PDK3: variants seen among roughly 807,000 people sequenced by gnomAD.
The protein encoded by PDK3 is pyruvate dehydrogenase kinase 3, also known as pyruvate dehydrogenase kinase, isozyme 3.
Under a neutral mutation model 32.0 loss-of-function variants are expected in PDK3, and 12 were observed. The observed-to-expected ratio is 0.37, with a 90% CI of 0.24 to 0.61. PDK3 has a LOEUF of 0.61. Ranked by LOEUF, PDK3 falls within the 20% of genes least tolerant of loss-of-function variation. The pLI is 0.65. For synonymous variants in PDK3, 122 were observed against 116.3 expected, an observed-to-expected ratio of 1.05 and a Z score of -0.31; for missense variants, 188 against 316.9, an observed-to-expected ratio of 0.59 and a Z score of 3.09.
exon 12 of PDK3, among the ~76,000 whole-genome samples, chrX:24,544,415 G>A (rs921965660): frequency 2.7e-5 from 3 of 111,288 alleles, no homozygotes; most frequent in Admixed American, 9.6e-5. Context: ...GCTTCTCGCC[G>A]CTCTTCCTCT....
At chrX:24,511,790 G>T (rs780592684) in intron 5 of PDK3, among the ~76,000 whole-genome samples, 1 of 107,302 alleles carries the variant, frequency 9.3e-6, no homozygotes, top group African/African-American at 3.4e-5. Context: ...GGAGGTTGCA[G>T]TGAGCTGAGA....
chrX:24,468,866 G>T (rs1201224092), intron 1 of PDK3, among the ~76,000 whole-genome samples: 1 of 111,320 alleles, frequency 9.0e-6, no homozygotes, highest in Non-Finnish European at 1.9e-5. Context: ...TTTTCTTTTG[G>T]GCCTAAGATT....
chrX:24,508,751 C>T (rs1053866543), intron 5 of PDK3, among the ~76,000 whole-genome samples: 1 of 111,058 alleles, frequency 9.0e-6, no homozygotes, highest in Non-Finnish European at 1.9e-5. Flanking sequence ...CTCGCTCTGT[C>T]GTCCAGGCTG....
At chrX:24,466,879 T>C (rs981154820) in intron 1 of PDK3, among the ~76,000 whole-genome samples, 4 of 112,137 alleles carry the variant, frequency 3.6e-5, no homozygotes, top group African/African-American at 1.3e-4. Context: ...GCTATAAATA[T>C]AGGCAAGTTT....
downstream of PDK3, among the ~76,000 whole-genome samples, chrX:24,535,956 GAAAGGAAGGAAAAGAAGGAAAGGAAGA>G (rs1199684562): frequency 3.2e-5 from 3 of 93,721 alleles, no homozygotes; most frequent in Non-Finnish European, 6.2e-5. Context: ...AAGAAGGAAG[GAAAGGAAGGAAAAGAAGGAAAGGAAGA>G]AAGGAAGGAA....
chrX:24,467,872 G>A (rs758957031), intron 1 of PDK3, among the ~76,000 whole-genome samples: 17 of 111,941 alleles, frequency 1.5e-4, no homozygotes, highest in African/African-American at 4.9e-4. Context: ...AAGCCAACGA[G>A]TTGAGGACCG....
chrX:24,498,985 A>G (rs1921785533), intron 3 of PDK3, 85 bp downstream of exon 3: 3 of 531,787 alleles, frequency 5.6e-6, no homozygotes, highest in African/African-American at 2.4e-5. Flanking sequence ...TTAAGACTCA[A>G]GGAGTATGAA....
rs374895661 is a variant in PDK3 at position 24,530,907 on chromosome X, G to A, written c.964-750G>A. 7.2e-5 allele frequency among the ~76,000 whole-genome samples: 8 copies of A among 111,551 alleles called. No homozygotes were observed. The South Asian group carries it at 2.6e-3, about 37-fold the overall frequency. On this transcript the variant is annotated intron_variant, in intron 9 of 10. Coordinates refer to ENST00000379162, the MANE Select transcript of PDK3 (RefSeq NM_005391.5). ...AAATTGTTTTCCTTTCCATGTTCTCGTCTTGTTACTGGTAGATTTGTACTC... is the reference window on the plus strand; with the variant it reads ...AAATTGTTTTCCTTTCCATGTTCTCATCTTGTTACTGGTAGATTTGTACTC...
intron 6 of PDK3, among the ~76,000 whole-genome samples, chrX:24,522,080 A>G (rs1922411830): frequency 8.9e-6 from 1 of 112,050 alleles, no homozygotes; most frequent in Non-Finnish European, 1.9e-5. Flanking sequence ...AAAATTCCTT[A>G]TATCTAATGG....
exon 12 of PDK3, among the ~76,000 whole-genome samples, chrX:24,540,901 T>G (rs1922878742): frequency 2.4e-5 from 1 of 42,442 alleles, no homozygotes; most frequent in African/African-American, 6.6e-5. Context: ...TTTTTTTTTT[T>G]TTTTTTTTTT....
In PDK3 at chrX:24,481,320, C is replaced by T. The variant is rs191153793; in HGVS notation, c.107-13422C>T. Among the ~76,000 whole-genome samples, 176 of 112,225 alleles carry T rather than the reference C, an allele frequency of 1.6e-3. 1 individual carries two copies. The highest frequency in any genetic ancestry group is 5.3e-3 in the African/African-American group (163 of 30,946). On this transcript the variant is annotated intron_variant, in intron 1 of 10. Transcript: ENST00000379162. ...TGCTGGGATTACAGGCGTGAGCCAC[C>T]GCGCCTGGCCCCTTTTTCTTGACTT...
downstream of PDK3, among the ~76,000 whole-genome samples, chrX:24,535,709 C>G (rs1417005642): frequency 9.2e-6 from 1 of 108,997 alleles, no homozygotes; most frequent in Non-Finnish European, 1.9e-5. Flanking sequence ...ATTTTACAAC[C>G]TGCTTTTGTT....
At chrX:24,510,515 A>G (rs1431956824) in intron 5 of PDK3, among the ~76,000 whole-genome samples, 8 of 112,561 alleles carry the variant, frequency 7.1e-5, no homozygotes, top group Non-Finnish European at 7.5e-5. Flanking sequence ...GTTGTTTTAT[A>G]CATTTGAACT....
At chrX:24,549,901 T>G (rs777543547) in exon 12 of PDK3, 1 of 112,277 alleles carries the variant, frequency 8.9e-6, no homozygotes, top group South Asian at 3.7e-4. Flanking sequence ...CACTGTGGAA[T>G]AAAATATACC....
chrX:24,517,421 C>G (rs1922282872), intron 5 of PDK3, among the ~76,000 whole-genome samples: 1 of 111,201 alleles, frequency 9.0e-6, no homozygotes, highest in Non-Finnish European at 1.9e-5. Context: ...TGGAGTTTCA[C>G]CATGTTGGCC....
exon 12 of PDK3, chrX:24,547,276 C>A (rs906277774): frequency 8.9e-6 from 1 of 112,306 alleles, no homozygotes; most frequent in African/African-American, 3.2e-5. Flanking sequence ...ATCCAGGAAG[C>A]TTACAGTGAA....
downstream of PDK3, among the ~76,000 whole-genome samples, chrX:24,538,509 T>C (rs775021055): frequency 6.8e-4 from 76 of 112,296 alleles, no homozygotes; most frequent in Non-Finnish European, 9.2e-4. Flanking sequence ...CCGGGCACAG[T>C]AGCTCACGCC....
intron 1 of PDK3, among the ~76,000 whole-genome samples, chrX:24,470,450 G>T (rs1241766285): frequency 1.8e-5 from 2 of 111,083 alleles, no homozygotes; most frequent in African/African-American, 6.5e-5. Flanking sequence ...ACTTTGGGAG[G>T]CCAAGGCAGG....
At chrX:24,543,450 T>C (rs937850108) in exon 12 of PDK3, among the ~76,000 whole-genome samples, 1 of 110,584 alleles carries the variant, frequency 9.0e-6, no homozygotes, top group Non-Finnish European at 1.9e-5. Context: ...TTTTATTTTA[T>C]TTTATTTTAT....
Sources: gnomAD v4.1 joint callset for allele counts (sites outside exome capture counted in the v4.1 genomes callset) on GRCh38, gnomAD v4.1.1 for gene constraint, MANE v1.5 for transcripts, NCBI Gene and HGNC (gene_info 2026-07-23, HGNC 2026-07-21) for gene names.